The following CNTLN variants were observed in gnomAD, a reference collection of about 807,000 sequenced individuals.
CNTLN encodes the protein centlein, centrosomal protein.
In CNTLN, 212 loss-of-function variants were observed where a neutral mutation model predicts 180.0. That is an observed-to-expected ratio of 1.18 (90% CI 1.05 to 1.32). The LOEUF is 1.32. Among genes scored for constraint, CNTLN ranks in the 40% most tolerant of loss-of-function variants. The pLI, the probability that CNTLN is intolerant of heterozygous loss-of-function variation, is 0.00. For synonymous variants in CNTLN, 722 were observed against 563.1 expected (o/e 1.28, Z -3.99); for missense variants, 2,095 against 1,610.9 (o/e 1.30, Z -5.14).
At chr9:17,255,354 G>C (rs1398615050) in intron 5 of CNTLN, among the ~76,000 whole-genome samples, 5 of 151,680 alleles carry the variant, frequency 3.3e-5, no homozygotes. Flanking sequence ...TGTTGAAGTA[G>C]CTTCCTTCTA....
intron 5 of CNTLN, among the ~76,000 whole-genome samples, chr9:17,246,835 T>G: frequency 6.6e-6 from 1 of 152,062 alleles, no homozygotes; most frequent in Non-Finnish European, 1.5e-5. Context: ...AAGGGCTCTT[T>G]AGTCAGCAGG....
intron 16 of CNTLN, among the ~76,000 whole-genome samples, chr9:17,411,614 G>A (rs1336220574): frequency 1.3e-5 from 2 of 152,122 alleles, no homozygotes; most frequent in Non-Finnish European, 2.9e-5. Context: ...CCATTGTTAC[G>A]GCCTGAGCTC....
At chr9:17,220,859 A>G (rs191990517) in intron 2 of CNTLN, among the ~76,000 whole-genome samples, 21 of 152,166 alleles carry the variant, frequency 1.4e-4, no homozygotes, top group Admixed American at 3.9e-4. Flanking sequence ...ATGGGCATTT[A>G]TGTTGATTCC....
chr9:17,491,816 G>A (rs1386991342), intron 25 of CNTLN, among the ~76,000 whole-genome samples: 2 of 152,052 alleles, frequency 1.3e-5, no homozygotes, highest in Non-Finnish European at 2.9e-5. Flanking sequence ...TGTCCTCTCT[G>A]CAAAATATGC....
intron 18 of CNTLN, among the ~76,000 whole-genome samples, chr9:17,429,214 T>TA (rs1436810328): frequency 6.6e-6 from 1 of 152,058 alleles, no homozygotes; most frequent in Non-Finnish European, 1.5e-5. Flanking sequence ...ACACCCTATT[T>TA]ATCTGAGCTT....
At chr9:17,201,482 G>A (rs566965461) in intron 2 of CNTLN, among the ~76,000 whole-genome samples, 1 of 152,082 alleles carries the variant, frequency 6.6e-6, no homozygotes, top group Non-Finnish European at 1.5e-5. Flanking sequence ...TTTTTGGTTG[G>A]TAGGCTATTA....
chr9:17,418,473 G>C (rs1828441633), intron 18 of CNTLN, among the ~76,000 whole-genome samples: 1 of 151,952 alleles, frequency 6.6e-6, no homozygotes, highest in South Asian at 2.1e-4. Context: ...CAAGATCCCA[G>C]ATTCTCATCT....
At chr9:17,233,376 T>C (rs1327390969) in intron 3 of CNTLN, among the ~76,000 whole-genome samples, 1 of 152,174 alleles carries the variant, frequency 6.6e-6, no homozygotes, top group East Asian at 1.9e-4. Context: ...TTATGAAGCA[T>C]GTCTGTTTTA....
intron 6 of CNTLN, among the ~76,000 whole-genome samples, chr9:17,277,919 C>G (rs1334127666): frequency 6.6e-6 from 1 of 152,122 alleles, no homozygotes; most frequent in Non-Finnish European, 1.5e-5. Flanking sequence ...TACCAGTTCT[C>G]TCTGAATAGA....
At chr9:17,171,229 G>GT (rs1227302314) in intron 2 of CNTLN, among the ~76,000 whole-genome samples, 5 of 151,978 alleles carry the variant, frequency 3.3e-5, no homozygotes, top group South Asian at 2.1e-4. Flanking sequence ...TCTTGTTTTT[G>GT]GTTTTTTTGT....
intron 18 of CNTLN, among the ~76,000 whole-genome samples, chr9:17,427,545 CT>C (rs1455164423): frequency 1.3e-5 from 2 of 151,870 alleles, no homozygotes; most frequent in African/African-American, 4.8e-5. Context: ...TGGCTGTTTT[CT>C]TTTTTTTCTA....
chr9:17,268,019 A>G (rs1226706228), intron 5 of CNTLN, among the ~76,000 whole-genome samples: 2 of 152,022 alleles, frequency 1.3e-5, no homozygotes, highest in African/African-American at 4.8e-5. Flanking sequence ...GACTGTTTGA[A>G]GCCTTCTTCT....
At chr9:17,178,311 C>A (rs184204927) in intron 2 of CNTLN, among the ~76,000 whole-genome samples, 1 of 152,204 alleles carries the variant, frequency 6.6e-6, no homozygotes, top group South Asian at 2.1e-4. Flanking sequence ...TAAAGGTTCT[C>A]CAATTCCCCA....
chr9:17,488,758 A>T (rs1340572322), intron 25 of CNTLN, among the ~76,000 whole-genome samples: 1 of 152,110 alleles, frequency 6.6e-6, no homozygotes, highest in Non-Finnish European at 1.5e-5. Context: ...TTTTTGTGCC[A>T]CTGAGCCTGG....
At chr9:17,444,845 C>A (rs1830309382) in intron 18 of CNTLN, among the ~76,000 whole-genome samples, 1 of 152,028 alleles carries the variant, frequency 6.6e-6, no homozygotes, top group Admixed American at 6.5e-5. Context: ...GGTAGAAGTT[C>A]CTATGTGGAA....
rs536461564 is a variant in CNTLN at position 17,268,777 on chromosome 9, A to C, written c.850-4956A>C. On this transcript the variant is annotated intron_variant, in intron 5 of 25. Transcript: ENST00000380647. ...TCCCCCAGCCTCGCTGCCACCTTGC[A>C]GTTTGGTCTCAGACTGCTGTGCTAG... Among the ~76,000 whole-genome samples, 356 of 151,582 alleles carry C rather than the reference A, an allele frequency of 2.3e-3. 2 individuals are homozygous for C. The highest frequency in any genetic ancestry group is 8.3e-3 in the African/African-American group (342 of 41,338).
the CNTLN span, among the ~76,000 whole-genome samples, chr9:17,510,626 A>G: frequency 6.6e-6 from 1 of 152,184 alleles, no homozygotes; most frequent in Non-Finnish European, 1.5e-5. Flanking sequence ...GTCTGCTAGC[A>G]GTTTGCCTTT....
chr9:17,288,718 T>C (rs1239487835), intron 6 of CNTLN, among the ~76,000 whole-genome samples: 1 of 138,890 alleles, frequency 7.2e-6, no homozygotes, highest in East Asian at 2.1e-4. Flanking sequence ...ATATTTAGGA[T>C]AGTTAGCTCT....
intron 23 of CNTLN, among the ~76,000 whole-genome samples, chr9:17,483,957 G>T (rs1206035327): frequency 6.6e-6 from 1 of 152,154 alleles, no homozygotes; most frequent in Non-Finnish European, 1.5e-5. Flanking sequence ...ATGAGAACCT[G>T]ACTCTTAGTG....
Sources: allele counts gnomAD v4.1 joint callset (sites outside exome capture counted in the v4.1 genomes callset), GRCh38; gene constraint gnomAD v4.1.1; transcripts MANE v1.5; gene names NCBI Gene and HGNC (gene_info 2026-07-23, HGNC 2026-07-21).